The following GLIS3 variants were observed in gnomAD, a reference collection of about 807,000 sequenced individuals.
GLIS3 encodes the protein GLIS family zinc finger 3.
GLIS3 carries 53 observed loss-of-function variants against 78.6 expected under a neutral mutation model. The observed-to-expected ratio is 0.67, with a 90% CI of 0.54 to 0.85. The LOEUF is 0.85. GLIS3 is among the 40% of genes least tolerant of loss of function. The pLI is 0.00. For missense variants in GLIS3, 1,703 were observed against 1,231.1 expected (o/e 1.38, Z -5.74); for synonymous variants, 684 against 509.9 (o/e 1.34, Z -4.60).
chr9:4,126,011 A>C, intron 2 of GLIS3, 70 bp from the exon 3 acceptor site: 1 of 1,200,112 alleles, frequency 8.3e-7, no homozygotes, highest in Non-Finnish European at 1.2e-6. Context: ...AGACATGTGC[A>C]CGCTTATATC....
the GLIS3 span, among the ~76,000 whole-genome samples, chr9:4,431,569 G>A: frequency 6.6e-6 from 1 of 152,160 alleles, no homozygotes; most frequent in Non-Finnish European, 1.5e-5. Context: ...ATAGGGCCAG[G>A]CATGGTGCCT....
chr9:4,443,979 ACAGT>A, the GLIS3 span, among the ~76,000 whole-genome samples: 1 of 152,156 alleles, frequency 6.6e-6, no homozygotes, highest in East Asian at 1.9e-4. Context: ...TCTCTACAAT[ACAGT>A]CAAAGTCTCA....
intron 4 of GLIS3, among the ~76,000 whole-genome samples, chr9:4,098,092 G>C (rs893321981): frequency 6.6e-6 from 1 of 152,212 alleles, no homozygotes; most frequent in Non-Finnish European, 1.5e-5. Flanking sequence ...GATGATTAAA[G>C]AATGAAGAGC....
chr9:4,019,005 C>A (rs1020398158), intron 4 of GLIS3, among the ~76,000 whole-genome samples: 1 of 152,192 alleles, frequency 6.6e-6, no homozygotes, highest in African/African-American at 2.4e-5. Flanking sequence ...GCAGTCACTT[C>A]ACGCAGGGCT....
intron 4 of GLIS3, among the ~76,000 whole-genome samples, chr9:3,991,517 G>A (rs571914770): frequency 6.6e-5 from 10 of 152,054 alleles, no homozygotes; most frequent in South Asian, 2.1e-4. Flanking sequence ...AACACGTCTC[G>A]GAGTCTTAAC....
intron 4 of GLIS3, among the ~76,000 whole-genome samples, chr9:3,990,645 A>C (rs1340435675): frequency 6.6e-6 from 1 of 152,140 alleles, no homozygotes; most frequent in East Asian, 1.9e-4. Context: ...TTTCCCTCCA[A>C]AATAGCCCTT....
the GLIS3 span, among the ~76,000 whole-genome samples, chr9:4,412,325 G>T: frequency 1.3e-5 from 2 of 152,188 alleles, no homozygotes; most frequent in Non-Finnish European, 1.5e-5. Flanking sequence ...TTTTTTAGTG[G>T]ACTAAAAGTT....
chr9:4,200,210 C>A (rs1586956445), intron 2 of GLIS3, among the ~76,000 whole-genome samples: 2 of 151,910 alleles, frequency 1.3e-5, no homozygotes, highest in Admixed American at 6.6e-5. Flanking sequence ...TTATAAAGAT[C>A]TCAAATTAAT....
At chr9:4,443,237 C>G in the GLIS3 span, among the ~76,000 whole-genome samples, 3 of 152,292 alleles carry the variant, frequency 2.0e-5, no homozygotes, top group Non-Finnish European at 2.9e-5. Flanking sequence ...GCCCAGCAAG[C>G]CTGTAATTCC....
At chr9:4,365,869 T>A in the GLIS3 span, among the ~76,000 whole-genome samples, 1 of 152,226 alleles carries the variant, frequency 6.6e-6, no homozygotes, top group Non-Finnish European at 1.5e-5. Flanking sequence ...ACAACACCCC[T>A]CCACCCCAAA....
chr9:4,348,724 A>C (rs1183384311), upstream of GLIS3, among the ~76,000 whole-genome samples: 1 of 152,226 alleles, frequency 6.6e-6, no homozygotes, highest in African/African-American at 2.4e-5. Context: ...CGGTCATTAA[A>C]AGTTATGTTT....
chr9:4,248,959 G>A (rs1430296494), intron 2 of GLIS3, among the ~76,000 whole-genome samples: 2 of 152,044 alleles, frequency 1.3e-5, no homozygotes, highest in Non-Finnish European at 2.9e-5. Flanking sequence ...CATTATTTCT[G>A]AGGCCTCTGT....
At chr9:4,226,989 A>G (rs978454645) in intron 2 of GLIS3, among the ~76,000 whole-genome samples, 1 of 152,204 alleles carries the variant, frequency 6.6e-6, no homozygotes, top group African/African-American at 2.4e-5. Context: ...TCTGGTGAGA[A>G]CTAGCAACAG....
At chr9:3,962,592 G>A (rs750450953) in intron 4 of GLIS3, among the ~76,000 whole-genome samples, 1 of 152,108 alleles carries the variant, frequency 6.6e-6, no homozygotes, top group Non-Finnish European at 1.5e-5. Context: ...AAATCTGTAG[G>A]CTCATAGTTT....
At chr9:4,394,740 TAC>T in the GLIS3 span, among the ~76,000 whole-genome samples, 5 of 152,206 alleles carry the variant, frequency 3.3e-5, no homozygotes, top group African/African-American at 4.8e-5. Flanking sequence ...TTTTGCCGAG[TAC>T]AGACTTATGC....
chr9:4,147,406 A>C (rs556225973), intron 2 of GLIS3: 1 of 152,304 alleles, frequency 6.6e-6, no homozygotes, highest in East Asian at 1.9e-4. Flanking sequence ...GTTAGAAGTA[A>C]GAAGTCCTTG....
intron 4 of GLIS3, among the ~76,000 whole-genome samples, chr9:4,101,173 C>T (rs1428911452): frequency 6.6e-6 from 1 of 152,190 alleles, no homozygotes; most frequent in African/African-American, 2.4e-5. Context: ...TGAGCTGTTT[C>T]CTCGCCTTAA....
At chr9:3,999,486 A>G (rs992765015) in intron 4 of GLIS3, among the ~76,000 whole-genome samples, 2 of 152,150 alleles carry the variant, frequency 1.3e-5, no homozygotes, top group East Asian at 3.8e-4. Flanking sequence ...TTAATTTTTA[A>G]AAGTTACCAT....
At chr9:4,389,277 C>G in the GLIS3 span, among the ~76,000 whole-genome samples, 1 of 152,198 alleles carries the variant, frequency 6.6e-6, no homozygotes, top group Admixed American at 6.5e-5. Flanking sequence ...ATTCTCCTAA[C>G]AGCTCTGCTA....
Sources: allele counts gnomAD v4.1 joint callset (sites outside exome capture counted in the v4.1 genomes callset), GRCh38; gene constraint gnomAD v4.1.1; transcripts MANE v1.5; gene names NCBI Gene and HGNC (gene_info 2026-07-23, HGNC 2026-07-21).